Variants in CELF4 observed in about 807,000 individuals in gnomAD.
CELF4 encodes the protein CUG-BP- and ETR-3-like factor 4.
A neutral mutation model predicts 59.9 loss-of-function variants in CELF4; 18 were observed. The observed-to-expected ratio is 0.30, with a 90% CI of 0.21 to 0.45. The LOEUF is 0.45. Among genes scored for constraint, CELF4 ranks in the 20% least tolerant of loss-of-function variants. CELF4 has a pLI of 1.00. For missense variants in CELF4, 456 were observed against 689.0 expected, an observed-to-expected ratio of 0.66 and a Z score of 3.79; for synonymous variants, 261 against 267.1, an observed-to-expected ratio of 0.98 and a Z score of 0.22.
chr18:37,420,867 C>T (rs1362867762), intron 2 of CELF4, among the ~76,000 whole-genome samples: 2 of 152,236 alleles, frequency 1.3e-5, no homozygotes, highest in Non-Finnish European at 2.9e-5. Context: ...CATGGTCTAC[C>T]TGGCAGCCTT....
At position 37,522,070 on chromosome 18, in the gene CELF4, G is replaced by C. The variant is rs578085849; in HGVS notation, c.287-36463C>G. ...AGCCTCAGTTTCTGCATCTGTCTAA[G>C]AGGAGAGGAGAAATGGTGCCTTTCT... is the stretch of plus-strand genomic sequence containing the variant. On this transcript the variant is annotated intron_variant, in intron 1 of 12. Coordinates refer to ENST00000420428, the MANE Select transcript of CELF4 (RefSeq NM_020180.4). Among the ~76,000 whole-genome samples, 9 of 152,314 alleles carry C rather than the reference G, an allele frequency of 5.9e-5. 1 individual carries two copies. In the South Asian group the frequency reaches 1.9e-3, roughly 32 times the overall value.
At chr18:37,338,395 T>C (rs927853023) in intron 2 of CELF4, among the ~76,000 whole-genome samples, 3 of 149,388 alleles carry the variant, frequency 2.0e-5, no homozygotes, top group Non-Finnish European at 4.4e-5. Context: ...ACTGACACCA[T>C]TGTCACCACT....
rs187607814 is a variant in CELF4 at position 37,277,156 on chromosome 18, G to A, written c.449-1913C>T. On this transcript the variant is annotated intron_variant, in intron 3 of 12. Transcript: ENST00000420428. Reference sequence around the variant, plus strand: ...CCTGCTGGTACTCCTCAGTCCAGACGCACTCAGCACTGGGCCAGTTCTCAA... The same window carrying A: ...CCTGCTGGTACTCCTCAGTCCAGACACACTCAGCACTGGGCCAGTTCTCAA... Among the ~76,000 whole-genome samples, 55 of 152,336 alleles carry A rather than the reference G, an allele frequency of 3.6e-4. 1 individual carries two copies. Among genetic ancestry groups the A allele is most frequent in the Admixed American group, 3.3e-3 (50 of 15,300 alleles).
intron 2 of CELF4, among the ~76,000 whole-genome samples, chr18:37,480,550 C>T (rs1178669132): frequency 6.6e-6 from 1 of 152,176 alleles, no homozygotes; most frequent in Non-Finnish European, 1.5e-5. Context: ...TTGCCTTCAT[C>T]CTTTCTACTT....
intron 2 of CELF4, among the ~76,000 whole-genome samples, chr18:37,399,515 A>G (rs2099295573): frequency 6.6e-6 from 1 of 152,206 alleles, no homozygotes; most frequent in African/African-American, 2.4e-5. Flanking sequence ...GCAGCAAAAA[A>G]TGGACTACGA....
intron 2 of CELF4, among the ~76,000 whole-genome samples, chr18:37,462,810 T>C (rs1219515928): frequency 6.6e-6 from 1 of 151,812 alleles, no homozygotes; most frequent in African/African-American, 2.4e-5. Context: ...TTTTTTGCGA[T>C]TTTTTTCTTT....
chr18:37,530,302 C>G (rs1375958158), intron 1 of CELF4, among the ~76,000 whole-genome samples: 1 of 152,126 alleles, frequency 6.6e-6, no homozygotes, highest in African/African-American at 2.4e-5. Flanking sequence ...CAGAGAGAGG[C>G]TAAGGAACTT....
At chr18:37,348,061 C>T (rs1706223669) in intron 2 of CELF4, among the ~76,000 whole-genome samples, 4 of 152,196 alleles carry the variant, frequency 2.6e-5, no homozygotes. Context: ...CAGGCCGGGC[C>T]TCTGGTCTCC....
rs1569372073 is a variant in CELF4 at position 37,270,232 on chromosome 18, G to GTGGTGCTGACCTGTCCA, written c.1099+519_1099+535dup. 1.1e-4 allele frequency among the ~76,000 whole-genome samples: 17 copies of GTGGTGCTGACCTGTCCA among 152,340 alleles called. No individual in the cohort carries two copies. The South Asian group carries it at 2.5e-3, about 22-fold the overall frequency. On this transcript the variant is annotated intron_variant, in intron 8 of 12. Transcript: ENST00000420428. ...AGCTGTCCAAGGTGCTGGGCTGTCT[G>GTGGTGCTGACCTGTCCA]TGGTGCTGACCTGTCCATGGTGCTG...
chr18:37,541,123 A>G (rs1335389961), intron 1 of CELF4, among the ~76,000 whole-genome samples: 2 of 152,134 alleles, frequency 1.3e-5, no homozygotes, highest in Admixed American at 6.5e-5. Flanking sequence ...TTTAAATACC[A>G]TGACATATTG....
At chr18:37,455,338 G>A (rs2099775233) in intron 2 of CELF4, among the ~76,000 whole-genome samples, 1 of 152,184 alleles carries the variant, frequency 6.6e-6, no homozygotes, top group Non-Finnish European at 1.5e-5. Flanking sequence ...TTTGCTCAGA[G>A]GGTTCTTGTG....
At chr18:37,526,954 C>T (rs1483944836) in intron 1 of CELF4, among the ~76,000 whole-genome samples, 1 of 152,138 alleles carries the variant, frequency 6.6e-6, no homozygotes, top group Admixed American at 6.5e-5. Context: ...ATGTCCGGGC[C>T]TCAGTTGCCT....
chr18:37,305,005 G>T (rs750121771), intron 3 of CELF4, among the ~76,000 whole-genome samples: 1 of 152,230 alleles, frequency 6.6e-6, no homozygotes, highest in Non-Finnish European at 1.5e-5. Context: ...AAAGGGACTG[G>T]TGGGGATGTG....
chr18:37,348,715 G>A (rs2098359380), intron 2 of CELF4, among the ~76,000 whole-genome samples: 1 of 152,052 alleles, frequency 6.6e-6, no homozygotes, highest in Non-Finnish European at 1.5e-5. Flanking sequence ...AACCCATCGG[G>A]GGTCATTCCT....
chr18:37,301,791 C>T (rs78038172), intron 3 of CELF4, among the ~76,000 whole-genome samples: 2,303 of 152,312 alleles, frequency 0.015, 59 homozygotes, highest in East Asian at 0.12. Context: ...TGTTTTGCTA[C>T]CATAAGTGAT....
chr18:37,393,656 G>T (rs1181849703), intron 2 of CELF4, among the ~76,000 whole-genome samples: 14 of 152,188 alleles, frequency 9.2e-5, no homozygotes, highest in African/African-American at 2.9e-4. Context: ...ACTGGGTGGG[G>T]CTGGCTTTTG....
chr18:37,310,943 G>T (rs2096624447), intron 3 of CELF4, among the ~76,000 whole-genome samples: 1 of 152,168 alleles, frequency 6.6e-6, no homozygotes, highest in Non-Finnish European at 1.5e-5. Context: ...GTGGCGATGG[G>T]ATGGGACACG....
chr18:37,417,179 A>G (rs1047828041), intron 2 of CELF4, among the ~76,000 whole-genome samples: 14 of 152,196 alleles, frequency 9.2e-5, no homozygotes, highest in African/African-American at 3.4e-4. Flanking sequence ...GTTTACGGAC[A>G]GGGAGAACTT....
At chr18:37,274,680 A>ATTCC in intron 5 of CELF4, 125 bp downstream of exon 5, 1 of 1,481,074 alleles carries the variant, frequency 6.8e-7, no homozygotes, top group Admixed American at 2.4e-5. Flanking sequence ...TCCTTGTCTG[A>ATTCC]GGCCCGGAAT....
Sources: allele counts gnomAD v4.1 joint callset (sites outside exome capture counted in the v4.1 genomes callset), GRCh38; gene constraint gnomAD v4.1.1; transcripts MANE v1.5; gene names NCBI Gene and HGNC (gene_info 2026-07-23, HGNC 2026-07-21).